OLA1: variants seen among roughly 807,000 people sequenced by gnomAD.
OLA1 encodes obg-like ATPase 1.
OLA1 carries 14 observed loss-of-function variants against 48.4 expected under a neutral mutation model. That is an observed-to-expected ratio of 0.29 (90% CI 0.19 to 0.45). The LOEUF (loss-of-function observed/expected upper bound fraction) is 0.45. Ranked by LOEUF, OLA1 falls within the 20% of genes least tolerant of loss-of-function variation. The pLI is 1.00. For synonymous variants in OLA1, 127 were observed against 150.4 expected (o/e 0.84, Z 1.14); for missense variants, 325 against 467.1 (o/e 0.70, Z 2.80).
At chr2:174,169,644 C>A (rs1367272287) in intron 4 of OLA1, among the ~76,000 whole-genome samples, 1 of 152,080 alleles carries the variant, frequency 6.6e-6, no homozygotes, top group African/African-American at 2.4e-5. Flanking sequence ...TTGCCAACAG[C>A]CCTGCGCTAT....
intron 4 of OLA1, among the ~76,000 whole-genome samples, chr2:174,142,832 C>G (rs12623617): frequency 6.6e-6 from 1 of 152,010 alleles, no homozygotes; most frequent in East Asian, 1.9e-4. Flanking sequence ...TGAACAAATA[C>G]TAAGAAATAT....
intron 7 of OLA1, among the ~76,000 whole-genome samples, chr2:174,110,521 T>C (rs1167167038): frequency 6.6e-6 from 1 of 151,894 alleles, no homozygotes; most frequent in Non-Finnish European, 1.5e-5. Context: ...CAAAGCTTAC[T>C]GCAGCCTCGA....
intron 10 of OLA1, among the ~76,000 whole-genome samples, chr2:174,075,959 T>G (rs1275706795): frequency 6.6e-6 from 1 of 152,228 alleles, no homozygotes; most frequent in Non-Finnish European, 1.5e-5. Flanking sequence ...GTGACACTGG[T>G]GATGCCAAAA....
chr2:174,138,238 C>G (rs563075224), intron 5 of OLA1, among the ~76,000 whole-genome samples: 1 of 152,300 alleles, frequency 6.6e-6, no homozygotes, highest in South Asian at 2.1e-4. Context: ...AGATGTGACT[C>G]TTCCTTTCAC....
chr2:174,077,082 G>A (rs1181658991), intron 10 of OLA1, among the ~76,000 whole-genome samples: 1 of 151,732 alleles, frequency 6.6e-6, no homozygotes, highest in African/African-American at 2.4e-5. Flanking sequence ...CAGAAACACT[G>A]GTTGAAAAAA....
intron 4 of OLA1, among the ~76,000 whole-genome samples, chr2:174,218,441 T>C (rs1391782118): frequency 6.6e-6 from 1 of 152,206 alleles, no homozygotes; most frequent in Non-Finnish European, 1.5e-5. Flanking sequence ...AGTTGTTATG[T>C]TTATTAAGTG....
intron 7 of OLA1, among the ~76,000 whole-genome samples, chr2:174,094,791 C>T (rs1685206960): frequency 6.6e-6 from 1 of 152,164 alleles, no homozygotes; most frequent in African/African-American, 2.4e-5. Context: ...ATCTAAAACT[C>T]TATAGCCATT....
chr2:174,094,109 T>C (rs1016158330), intron 7 of OLA1, among the ~76,000 whole-genome samples: 2 of 152,168 alleles, frequency 1.3e-5, no homozygotes, highest in Non-Finnish European at 2.9e-5. Flanking sequence ...GGCCCAGTGG[T>C]ACATAAGGAA....
chr2:174,091,883 A>AAAAT (rs1685122206), intron 7 of OLA1, among the ~76,000 whole-genome samples: 1 of 109,224 alleles, frequency 9.2e-6, no homozygotes, highest in Non-Finnish European at 1.7e-5. Flanking sequence ...AAAAAAAAAA[A>AAAAT]AAAAAAAAAA....
At chr2:174,218,988 A>ATT (rs760419464) in intron 4 of OLA1, among the ~76,000 whole-genome samples, 6 of 86,456 alleles carry the variant, frequency 6.9e-5, no homozygotes, top group African/African-American at 5.3e-5. Context: ...AGGCCGGCTA[A>ATT]TTTTTTTTTT....
At chr2:174,214,112 C>T (rs973129807) in intron 4 of OLA1, among the ~76,000 whole-genome samples, 3 of 151,958 alleles carry the variant, frequency 2.0e-5, no homozygotes, top group Non-Finnish European at 2.9e-5. Context: ...GCAGGCAGAT[C>T]ATTTGAGGTC....
At chr2:174,140,551 C>T (rs1050638887) in intron 5 of OLA1, among the ~76,000 whole-genome samples, 3 of 151,422 alleles carry the variant, frequency 2.0e-5, no homozygotes, top group Admixed American at 1.3e-4. Context: ...TATTTTTAGT[C>T]GAGATGGGGT....
chr2:174,220,175 G>A (rs1688468115), intron 4 of OLA1, among the ~76,000 whole-genome samples: 1 of 152,074 alleles, frequency 6.6e-6, no homozygotes, highest in African/African-American at 2.4e-5. Flanking sequence ...ATTTGAGATG[G>A]ATATCTTTAA....
intron 7 of OLA1, among the ~76,000 whole-genome samples, chr2:174,109,209 T>C (rs548206929): frequency 2.6e-5 from 4 of 152,340 alleles, no homozygotes; most frequent in African/African-American, 7.2e-5. Flanking sequence ...TATCTTCTTA[T>C]GGCTAAGAAT....
At chr2:174,106,274 A>G (rs1280543721) in intron 7 of OLA1, among the ~76,000 whole-genome samples, 2 of 152,120 alleles carry the variant, frequency 1.3e-5, no homozygotes, top group Non-Finnish European at 2.9e-5. Flanking sequence ...TAAAAACAAA[A>G]CATCTCATAT....
At chr2:174,247,632 G>A in intron 1 of OLA1, 1 of 1,549,460 alleles carries the variant, frequency 6.5e-7, no homozygotes, top group African/African-American at 1.4e-5. Flanking sequence ...TTTCCCATTC[G>A]CCCACAACCC....
intron 7 of OLA1, among the ~76,000 whole-genome samples, chr2:174,119,414 G>T (rs567143074): frequency 6.6e-6 from 1 of 152,022 alleles, no homozygotes; most frequent in Non-Finnish European, 1.5e-5. Flanking sequence ...TCCTACAATA[G>T]TTCTATAGAA....
chr2:174,202,232 C>G (rs547319244), intron 4 of OLA1, among the ~76,000 whole-genome samples: 5 of 152,204 alleles, frequency 3.3e-5, no homozygotes, highest in African/African-American at 1.2e-4. Flanking sequence ...TTATATGACA[C>G]CATTCACAGT....
At chr2:174,148,868 T>C (rs980863154) in intron 4 of OLA1, among the ~76,000 whole-genome samples, 1 of 152,238 alleles carries the variant, frequency 6.6e-6, no homozygotes, top group African/African-American at 2.4e-5. Flanking sequence ...CCATAGATTG[T>C]TGCTTCTATT....
Sources: gnomAD v4.1 joint callset for allele counts (sites outside exome capture counted in the v4.1 genomes callset) on GRCh38, gnomAD v4.1.1 for gene constraint, MANE v1.5 for transcripts, NCBI Gene and HGNC (gene_info 2026-07-23, HGNC 2026-07-21) for gene names.